NFIC: variants seen among roughly 807,000 people sequenced by gnomAD.
NFIC encodes the protein nuclear factor I C.
A neutral mutation model predicts 54.4 loss-of-function variants in NFIC; 12 were observed. The observed-to-expected ratio is 0.22, with a 90% confidence interval of 0.14 to 0.36. NFIC has a LOEUF of 0.36. Ranked by LOEUF, NFIC falls within the 10% of genes least tolerant of loss-of-function variation. The pLI is 1.00. For synonymous variants in NFIC, 322 were observed against 319.2 expected, an observed-to-expected ratio of 1.01 and a Z score of -0.09; for missense variants, 575 against 718.2, an observed-to-expected ratio of 0.80 and a Z score of 2.28.
intron 6 of NFIC, among the ~76,000 whole-genome samples, chr19:3,441,931 C>T (rs1243979529): frequency 6.6e-6 from 1 of 152,174 alleles, no homozygotes; most frequent in Non-Finnish European, 1.5e-5. Context: ...CTAGACAGCC[C>T]CCAATTAGCC....
intron 4 of NFIC, 121 bp downstream of exon 4, chr19:3,433,713 GCCAAGGTT>G: frequency 8.8e-7 from 1 of 1,130,144 alleles, no homozygotes; most frequent in Non-Finnish European, 1.3e-6. Context: ...GTGTCACTAA[GCCAAGGTT>G]CCTAGAAAGG....
rs921160662 is a variant in NFIC at position 3,410,195 on chromosome 19, C to G, written c.563-14911C>G. Among the ~76,000 whole-genome samples, 10 of 152,204 alleles carry G rather than the reference C, an allele frequency of 6.6e-5. No individual in the cohort carries two copies. In the East Asian group the frequency reaches 1.9e-3, roughly 29 times the overall value. ...AGCTGGGACTACAGGCGCCTGCCAC[C>G]ACGCCCGGCTTTTTTTTTGTATTTT... On this transcript the variant is annotated intron_variant, in intron 2 of 10. Coordinates refer to ENST00000443272, the MANE Select transcript of NFIC (RefSeq NM_001245002.2).
At position 3,389,941 on chromosome 19, in the gene NFIC, G is replaced by A. The variant is rs540356345; in HGVS notation, c.562+7698G>A. 3.3e-5 allele frequency among the ~76,000 whole-genome samples: 5 copies of A among 152,322 alleles called. No homozygotes were observed. In the East Asian group the frequency reaches 9.6e-4, roughly 29 times the overall value. Reference sequence around the variant, plus strand: ...GGAGGTTGCGGTGAACCGAGATTGCGCCATTGCGCTCCAGCCTGGGCAACA... The same window carrying A: ...GGAGGTTGCGGTGAACCGAGATTGCACCATTGCGCTCCAGCCTGGGCAACA... On this transcript the variant is annotated intron_variant, in intron 2 of 10. Coordinates refer to ENST00000443272, the MANE Select transcript of NFIC (RefSeq NM_001245002.2).
chr19:3,416,811 C>G lies in NFIC; in HGVS notation c.563-8295C>G, dbSNP rs571618939. On this transcript the variant is annotated intron_variant, in intron 2 of 10. Coordinates refer to ENST00000443272, the MANE Select transcript of NFIC (RefSeq NM_001245002.2). ...GCACTGGGATTACAGGCGTGAGCCA[C>G]CGTGCCCATCCTACATTTTTTTAAA... 3.3e-5 allele frequency among the ~76,000 whole-genome samples: 5 copies of G among 151,804 alleles called. No homozygotes were observed. The South Asian group carries it at 6.2e-4, about 19-fold the overall frequency.
rs777262318 is a variant in NFIC at position 3,456,531 on chromosome 19, G to A, written c.1424-19G>A. On this transcript the variant is annotated intron_variant, in intron 9 of 10. Coordinates refer to ENST00000443272, the MANE Select transcript of NFIC (RefSeq NM_001245002.2). ...ACAACCCCTCGCTAACGGGCTCTCGGTCTCTCTCCTCCCTGCAGCCTACTC... is the reference window on the plus strand; with the variant it reads ...ACAACCCCTCGCTAACGGGCTCTCGATCTCTCTCCTCCCTGCAGCCTACTC... 5.2e-6 allele frequency: 8 copies of A among 1,550,806 alleles called. 1 individual carries two copies. The South Asian group carries it at 9.5e-5, about 18-fold the overall frequency.
chr19:3,451,710 G>C (rs2082465871), intron 7 of NFIC, among the ~76,000 whole-genome samples: 1 of 151,950 alleles, frequency 6.6e-6, no homozygotes, highest in Non-Finnish European at 1.5e-5. Context: ...TGTAGACTGT[G>C]GGGCCAGATG....
At chr19:3,382,770 G>C (rs1042413568) in intron 2 of NFIC, among the ~76,000 whole-genome samples, 1 of 150,326 alleles carries the variant, frequency 6.7e-6, no homozygotes, top group African/African-American at 2.5e-5. Context: ...TGGTCTGAGG[G>C]GGGAGGCAGG....
chr19:3,412,185 C>T (rs540951769), intron 2 of NFIC, among the ~76,000 whole-genome samples: 5 of 152,204 alleles, frequency 3.3e-5, no homozygotes, highest in Non-Finnish European at 5.9e-5. Flanking sequence ...TGGGCTCAGA[C>T]GATCCACCCA....
chr19:3,367,029 C>T (rs1001961838), intron 1 of NFIC, among the ~76,000 whole-genome samples: 11 of 150,974 alleles, frequency 7.3e-5, no homozygotes, highest in Admixed American at 4.6e-4. Context: ...TGGGGGCTGG[C>T]CCCCCTCCAG....
In NFIC at chr19:3,463,415, G is replaced by A; in HGVS notation, c.*646G>A. The A allele has an allele frequency of 3.0e-6, 3 of 985,530 alleles. No homozygotes were observed. Among genetic ancestry groups the A allele is most frequent in the Non-Finnish European group, 3.6e-6 (3 of 830,060 alleles). The allele number at this position is 985,530 out of a possible 1,614,324, so 61.0% of individuals were successfully genotyped here. On this transcript the variant is annotated 3_prime_UTR_variant, in exon 11 of 11. Coordinates refer to ENST00000443272, the MANE Select transcript of NFIC (RefSeq NM_001245002.2). ...CAGGGTGGGGCAGGCGAGTGGTGTC[G>A]CGGGGGTGCGTGGCGCTTGCGAGCC...
chr19:3,426,949 CA>C (rs1290159442), intron 3 of NFIC, among the ~76,000 whole-genome samples: 1 of 138,678 alleles, frequency 7.2e-6, no homozygotes, highest in Non-Finnish European at 1.5e-5. Flanking sequence ...TTTTTTGAGA[CA>C]GAGTCAGGCT....
At chr19:3,381,173 G>A (rs981860817) in intron 1 of NFIC, among the ~76,000 whole-genome samples, 2 of 152,084 alleles carry the variant, frequency 1.3e-5, no homozygotes, top group Non-Finnish European at 2.9e-5. Context: ...CGAGGCGGGC[G>A]GATCAGAGGT....
intron 1 of NFIC, among the ~76,000 whole-genome samples, chr19:3,377,411 T>C (rs894580181): frequency 6.8e-6 from 1 of 147,252 alleles, no homozygotes; most frequent in African/African-American, 2.5e-5. Flanking sequence ...TTAATAACAA[T>C]GTAGTCCTTT....
At chr19:3,364,019 G>T (rs1327480560), upstream of NFIC, among the ~76,000 whole-genome samples, 1 of 152,188 alleles carries the variant, frequency 6.6e-6, no homozygotes, top group Admixed American at 6.5e-5. Flanking sequence ...TACTAAACCG[G>T]TCCCCCACAG....
At chr19:3,360,124 C>T (rs1170510105) in intron 1 of NFIC, among the ~76,000 whole-genome samples, 1 of 145,754 alleles carries the variant, frequency 6.9e-6, no homozygotes, top group Non-Finnish European at 1.5e-5. Flanking sequence ...GCGCGTGGGG[C>T]GGGGGTCGCG....
At chr19:3,360,966 C>A (rs1402385213) in intron 1 of NFIC, among the ~76,000 whole-genome samples, 2 of 152,214 alleles carry the variant, frequency 1.3e-5, no homozygotes, top group Admixed American at 1.3e-4. Context: ...CTGCCTTCCA[C>A]TCCCGGCCTC....
intron 1 of NFIC, among the ~76,000 whole-genome samples, chr19:3,361,422 C>T (rs1228053119): frequency 6.6e-6 from 1 of 152,150 alleles, no homozygotes; most frequent in East Asian, 1.9e-4. Context: ...CCAGCACTTG[C>T]CCCCAATGGA....
intron 2 of NFIC, 70 bp downstream of exon 2, chr19:3,382,313 A>C: frequency 6.4e-7 from 1 of 1,551,236 alleles, no homozygotes. Context: ...CGGGGCCAGG[A>C]GGGCCTGAGG....
At chr19:3,412,675 C>T (rs2081783447) in intron 2 of NFIC, among the ~76,000 whole-genome samples, 1 of 152,196 alleles carries the variant, frequency 6.6e-6, no homozygotes. Context: ...TTGTCAGCCC[C>T]AGCCAAGGAT....
Sources: gnomAD v4.1 joint callset for allele counts (sites outside exome capture counted in the v4.1 genomes callset) on GRCh38, gnomAD v4.1.1 for gene constraint, MANE v1.5 for transcripts, NCBI Gene and HGNC (gene_info 2026-07-23, HGNC 2026-07-21) for gene names.